HACD4: variants seen among roughly 807,000 people sequenced by gnomAD.
HACD4 encodes the protein 3-hydroxyacyl-CoA dehydratase 4.
HACD4 carries 35 observed loss-of-function variants against 33.3 expected under a neutral mutation model. That is an observed-to-expected ratio of 1.05 (90% CI 0.80 to 1.39). The LOEUF (loss-of-function observed/expected upper bound fraction) is 1.39. Ranked by LOEUF, HACD4 falls within the 40% of genes most tolerant of loss-of-function variation. The pLI is 0.00. For missense variants in HACD4, 323 were observed against 276.5 expected, an observed-to-expected ratio of 1.17 and a Z score of -1.19; for synonymous variants, 118 against 98.0, an observed-to-expected ratio of 1.20 and a Z score of -1.21.
intron 3 of HACD4, among the ~76,000 whole-genome samples, chr9:21,016,796 T>G (rs922835538): frequency 5.9e-5 from 9 of 152,048 alleles, no homozygotes; most frequent in African/African-American, 2.2e-4. Context: ...TTTTTTTCTT[T>G]TTTTTGGTAG....
chr9:21,008,174 G>T (rs1232076244), intron 5 of HACD4, 28 bp from the exon 6 acceptor site: 5 of 1,586,630 alleles, frequency 3.2e-6, no homozygotes, highest in Non-Finnish European at 4.3e-6. Context: ...CATCATAAAG[G>T]TATTCCTCCT....
intron 5 of HACD4, among the ~76,000 whole-genome samples, chr9:21,010,476 T>C: frequency 1.0e-5 from 1 of 97,274 alleles, no homozygotes; most frequent in East Asian, 2.3e-4. Flanking sequence ...CCCCCAGAGC[T>C]TACAGTCTAG....
At chr9:21,010,926 TA>T (rs773906495) in intron 5 of HACD4, among the ~76,000 whole-genome samples, 11 of 152,076 alleles carry the variant, frequency 7.2e-5, no homozygotes, top group Non-Finnish European at 1.2e-4. Flanking sequence ...TGACAGGAGG[TA>T]GAGCTCAGGC....
rs1842152649 is a variant in HACD4, at chr9:21,000,596, A to C, written c.*6441T>G. 1 of 152,184 alleles carries C rather than the reference A, an allele frequency of 6.6e-6. No individual in the cohort carries two copies. The highest frequency in any genetic ancestry group is 1.5e-5 in the Non-Finnish European group (1 of 68,010). The allele number at this position is 152,184 out of a possible 1,614,324, so 9.4% of individuals were successfully genotyped here. A position where few individuals can be genotyped will look rare whatever the true frequency, so the allele number is the denominator to read the frequency against. On this transcript the variant is annotated 3_prime_UTR_variant, in exon 7 of 7. Coordinates refer to ENST00000495827, the MANE Select transcript of HACD4 (RefSeq NM_001010915.5). Reference sequence around the variant, plus strand: ...TGCTCCCTGAACATACAATCTGAACACTACCCTGGAGAACCATGTCATATC... The same window carrying C: ...TGCTCCCTGAACATACAATCTGAACCCTACCCTGGAGAACCATGTCATATC...
At chr9:21,025,887 G>A (rs1818048937) in intron 3 of HACD4, among the ~76,000 whole-genome samples, 2 of 152,278 alleles carry the variant, frequency 1.3e-5, no homozygotes, top group South Asian at 4.1e-4. Flanking sequence ...TAAGATACAT[G>A]TTATTTTCAT....
At chr9:21,007,766 C>T (rs10964788) in intron 6 of HACD4, among the ~76,000 whole-genome samples, 1 of 152,144 alleles carries the variant, frequency 6.6e-6, no homozygotes, top group East Asian at 1.9e-4. Context: ...TTCTATATCT[C>T]ATACATAATG....
intron 5 of HACD4, among the ~76,000 whole-genome samples, chr9:21,009,099 T>G (rs1194658368): frequency 6.6e-6 from 1 of 152,190 alleles, no homozygotes; most frequent in Non-Finnish European, 1.5e-5. Context: ...ACATAAGCTT[T>G]GTTTTTGTCT....
intron 3 of HACD4, among the ~76,000 whole-genome samples, chr9:21,021,039 T>G (rs528050827): frequency 1.3e-5 from 2 of 152,156 alleles, no homozygotes; most frequent in Admixed American, 1.3e-4. Flanking sequence ...CACGATCAAG[T>G]TGGCTTCATC....
In HACD4 at chr9:21,002,980, G is replaced by A. The variant is rs1842190202; in HGVS notation, c.*4057C>T. 6.6e-6 allele frequency: 1 copy of A among 152,096 alleles called. No individual in the cohort carries two copies. The highest frequency in any genetic ancestry group is 1.5e-5 in the Non-Finnish European group (1 of 67,996). The allele number at this position is 152,096 out of a possible 1,614,324, so 9.4% of individuals were successfully genotyped here. A position where few individuals can be genotyped will look rare whatever the true frequency, so the allele number is the denominator to read the frequency against. On this transcript the variant is annotated 3_prime_UTR_variant, in exon 7 of 7. Coordinates refer to ENST00000495827, the MANE Select transcript of HACD4 (RefSeq NM_001010915.5). Reference sequence around the variant, plus strand: ...CTGGGTTTCTTAACCTGGGGAACATGTACTTAAGTAGAAAAAGAAATTACA... The same window carrying A: ...CTGGGTTTCTTAACCTGGGGAACATATACTTAAGTAGAAAAAGAAATTACA...
chr9:21,026,497 A>C (rs1818063557), intron 3 of HACD4, 99 bp downstream of exon 3: 1 of 930,010 alleles, frequency 1.1e-6, no homozygotes, highest in Non-Finnish European at 1.6e-6. Context: ...ACCTAAGACA[A>C]GGGTTGGCTT....
intron 3 of HACD4, among the ~76,000 whole-genome samples, chr9:21,020,923 T>A (rs1390228608): frequency 2.0e-5 from 3 of 152,176 alleles, no homozygotes; most frequent in Non-Finnish European, 4.4e-5. Flanking sequence ...ATTTTAGAAA[T>A]TCATAATGGT....
At chr9:21,020,002 A>C (rs1817864117) in intron 3 of HACD4, among the ~76,000 whole-genome samples, 1 of 152,116 alleles carries the variant, frequency 6.6e-6, no homozygotes, top group African/African-American at 2.4e-5. Flanking sequence ...TCTTAAGAGT[A>C]TGTGACTGTG....
intron 2 of HACD4, among the ~76,000 whole-genome samples, chr9:21,028,116 C>T (rs1046082683): frequency 3.1e-5 from 3 of 97,782 alleles, no homozygotes; most frequent in Non-Finnish European, 5.6e-5. Flanking sequence ...GCCTGGGCGA[C>T]AAGAGGGAAA....
At chr9:21,018,420 T>C (rs2132785149) in intron 3 of HACD4, among the ~76,000 whole-genome samples, 1 of 152,312 alleles carries the variant, frequency 6.6e-6, no homozygotes, top group Non-Finnish European at 1.5e-5. Flanking sequence ...CATTGTTACT[T>C]GATATGAGTT....
At chr9:21,011,832 A>G in intron 4 of HACD4, 137 bp from the exon 5 acceptor site, 2 of 567,870 alleles carry the variant, frequency 3.5e-6, no homozygotes, top group Non-Finnish European at 6.1e-6. Flanking sequence ...TAATTTAAGG[A>G]AGAGTTTTTT....
In HACD4 at chr9:21,031,565, C is replaced by G. The variant is rs1397767887; in HGVS notation, c.26G>C (p.Trp9Ser). The change falls in exon 1 of 7, where the codon TGG becomes TCG. Residue 9 changes from tryptophan (W) to serine (S), a missense_variant. Trp to Ser is a radical substitution (Grantham distance 177). Coordinates refer to ENST00000495827, the MANE Select transcript of HACD4 (RefSeq NM_001010915.5). ...CCGAGCGCCCTACCTGGGCTGCAGC[C>G]AGGCGGGCAGCGCCAAGGGCCCCAT... Reference protein sequence around the residue: MGPLALPAWLQPRYRKNAY... With the variant: MGPLALPASLQPRYRKNAY... The G allele has an allele frequency of 1.4e-6, 2 of 1,455,520 alleles. No homozygotes were observed. The highest frequency in any genetic ancestry group is 9.0e-7 in the Non-Finnish European group (1 of 1,110,376). 90.2% of individuals were successfully genotyped at this position (1,455,520 alleles called of 1,614,324 possible).
chr9:21,010,603 C>T (rs1308700300), intron 5 of HACD4, among the ~76,000 whole-genome samples: 2 of 152,072 alleles, frequency 1.3e-5, no homozygotes, highest in Non-Finnish European at 2.9e-5. Context: ...TTGTGGAAGA[C>T]AGTTTTTCCA....
intron 3 of HACD4, among the ~76,000 whole-genome samples, chr9:21,021,970 C>T (rs1254560907): frequency 6.6e-6 from 1 of 152,142 alleles, no homozygotes. Context: ...CGCTACCTGA[C>T]TTCAAACTAT....
intron 3 of HACD4, among the ~76,000 whole-genome samples, chr9:21,017,605 C>A (rs1307545698): frequency 6.6e-6 from 1 of 152,060 alleles, no homozygotes; most frequent in Non-Finnish European, 1.5e-5. Context: ...ATTAGGAAAA[C>A]CTTCTGGTTT....
Sources: allele counts gnomAD v4.1 joint callset (sites outside exome capture counted in the v4.1 genomes callset), GRCh38; gene constraint gnomAD v4.1.1; transcripts MANE v1.5; gene names NCBI Gene and HGNC (gene_info 2026-07-23, HGNC 2026-07-21).